RASA3: variants seen among roughly 807,000 people sequenced by gnomAD.
RASA3 encodes RAS p21 protein activator 3.
RASA3 carries 73 observed loss-of-function variants against 110.0 expected under a neutral mutation model. The ratio of observed to expected loss-of-function variants is 0.66; its 90% confidence interval spans 0.55 to 0.81. RASA3 has a LOEUF of 0.81. Among genes scored for constraint, RASA3 ranks in the 30% least tolerant of loss-of-function variants. The pLI is 0.00. For missense variants in RASA3, 976 were observed against 1,113.2 expected (o/e 0.88, Z 1.75); for synonymous variants, 500 against 451.4 (o/e 1.11, Z -1.37).
chr13:114,094,171 T>C (rs1265294314), intron 1 of RASA3, among the ~76,000 whole-genome samples: 2 of 152,196 alleles, frequency 1.3e-5, no homozygotes, highest in Non-Finnish European at 2.9e-5. Context: ...TGACTGTGCA[T>C]AGGTACAGAA....
intron 1 of RASA3, among the ~76,000 whole-genome samples, chr13:114,089,778 C>T (rs771146642): frequency 6.6e-6 from 1 of 152,146 alleles, no homozygotes; most frequent in African/African-American, 2.4e-5. Flanking sequence ...ACGATTGACG[C>T]GAGCATTTCC....
chr13:114,014,887 C>A lies in RASA3; in HGVS notation c.1405+322G>T, dbSNP rs2053753855. Reference sequence around the variant, plus strand: ...AAAGCCTGGCCACCCTTCCCGGCCCCCCCAGAGACCACTGTGGTCGTGAAC... The same window carrying A: ...AAAGCCTGGCCACCCTTCCCGGCCCACCCAGAGACCACTGTGGTCGTGAAC... On this transcript the variant is annotated intron_variant, in intron 14 of 23. Transcript: ENST00000334062. This position sits in a 1 kb window ranked among gnomAD's most constrained non-coding sequence, Gnocchi z 4.5. Among the ~76,000 whole-genome samples, 1 of 152,096 alleles carries A rather than the reference C, an allele frequency of 6.6e-6. No homozygotes were observed. Among genetic ancestry groups the A allele is most frequent in the Non-Finnish European group, 1.5e-5 (1 of 68,008 alleles).
Position 114,114,260 on chromosome 13 carries a change from T to G in RASA3, c.55+18175A>C, listed in dbSNP as rs1266676878. 6.6e-6 allele frequency among the ~76,000 whole-genome samples: 1 copy of G among 152,184 alleles called. No homozygotes were observed. Among genetic ancestry groups the G allele is most frequent in the Non-Finnish European group, 1.5e-5 (1 of 68,024 alleles). On this transcript the variant is annotated intron_variant, in intron 1 of 23. Transcript: ENST00000334062. This position sits in a 1 kb window ranked among gnomAD's most constrained non-coding sequence, Gnocchi z 4.8. ...TGACGTTAGAAAGGCAACCGCAAAT[T>G]CAGCTGCGGAGTGCAAAACGAATTT...
At chr13:114,000,338 C>T (rs545791983) in intron 19 of RASA3, among the ~76,000 whole-genome samples, 4 of 152,208 alleles carry the variant, frequency 2.6e-5, no homozygotes, top group South Asian at 2.1e-4. Flanking sequence ...GCCCAATGCT[C>T]GCATCCTCAC....
At chr13:114,119,076 C>A (rs1340823558) in intron 1 of RASA3, among the ~76,000 whole-genome samples, 1 of 151,692 alleles carries the variant, frequency 6.6e-6, no homozygotes, top group Non-Finnish European at 1.5e-5. Context: ...CCTGACCCAC[C>A]CACCCCAGCT....
At chr13:114,117,652 G>GTGCACGTGTGTGAGGGA (rs1162762079) in intron 1 of RASA3, among the ~76,000 whole-genome samples, 2 of 129,824 alleles carry the variant, frequency 1.5e-5, no homozygotes, top group African/African-American at 5.9e-5. Context: ...TGTGTGAGGG[G>GTGCACGTGTGTGAGGGA]TGCACGTGTG....
At chr13:114,098,013 A>G (rs1380959800) in intron 1 of RASA3, among the ~76,000 whole-genome samples, 3 of 152,158 alleles carry the variant, frequency 2.0e-5, no homozygotes, top group Non-Finnish European at 4.4e-5. Flanking sequence ...CCTCAGACAA[A>G]GGCAGCTCTC....
At chr13:113,988,889 ACCCATCTGTCCATCCACCCATCACTCG>A (rs1169670555) in intron 22 of RASA3, among the ~76,000 whole-genome samples, 4 of 141,868 alleles carry the variant, frequency 2.8e-5, no homozygotes, top group South Asian at 2.3e-4. Context: ...CCCATCACTC[ACCCATCTGTCCATCCACCCATCACTCG>A]CCCATCTGTC....
chr13:114,060,275 A>C (rs1367754180), intron 2 of RASA3, among the ~76,000 whole-genome samples: 1 of 152,210 alleles, frequency 6.6e-6, no homozygotes, highest in Non-Finnish European at 1.5e-5. Context: ...GGTGCAGAGC[A>C]GACATTTCAC....
rs992073565 is a variant in RASA3, at chr13:114,012,061, T to C, written c.1513-813A>G. On this transcript the variant is annotated intron_variant, in intron 15 of 23. Coordinates refer to ENST00000334062, the MANE Select transcript of RASA3 (RefSeq NM_007368.4). ...GAGAGCTGCGGCCCCAGCAACCACATTGGGGCCTGGAGAAAATCAGTGCTA... is the reference window on the plus strand; with the variant it reads ...GAGAGCTGCGGCCCCAGCAACCACACTGGGGCCTGGAGAAAATCAGTGCTA... Among the ~76,000 whole-genome samples the C allele has an allele frequency of 7.2e-5, 11 of 152,048 alleles. No homozygotes were observed. The East Asian group carries it at 1.7e-3, about 24-fold the overall frequency.
At chr13:114,108,421 GTCCATCATCCCCCA>G (rs1246555485) in intron 1 of RASA3, among the ~76,000 whole-genome samples, 2 of 25,822 alleles carry the variant, frequency 7.7e-5, no homozygotes, top group African/African-American at 3.3e-4. Flanking sequence ...ATCACCCCGC[GTCCATCATCCCCCA>G]TCCATCACCC....
intron 2 of RASA3, among the ~76,000 whole-genome samples, chr13:114,059,263 GCA>G (rs10538371): frequency 0.22 from 34,062 of 152,136 alleles, 3,876 homozygotes; most frequent in South Asian, 0.33. Context: ...CATCTTCACA[GCA>G]CAGTCCCCAG....
At chr13:114,101,021 G>A (rs2080053534) in intron 1 of RASA3, among the ~76,000 whole-genome samples, 1 of 152,228 alleles carries the variant, frequency 6.6e-6, no homozygotes, top group Non-Finnish European at 1.5e-5. Context: ...GTCAGCCTGT[G>A]TCAGGCTGGA....
chr13:114,082,544 G>A (rs2079800897), intron 1 of RASA3, among the ~76,000 whole-genome samples: 1 of 152,210 alleles, frequency 6.6e-6, no homozygotes, highest in Non-Finnish European at 1.5e-5. Flanking sequence ...AATGGAGAGT[G>A]AGGAACAAAG....
In RASA3 at chr13:114,039,277, ACACT is replaced by A. The variant is rs1358146585; in HGVS notation, c.372+1719_372+1722del. ...CGCTGTGCAGCAACACTACACTCAGACACTCACTGCGGTCCCAGCTGAGGACCCA... is the reference window on the plus strand; with the variant it reads ...CGCTGTGCAGCAACACTACACTCAGACACTGCGGTCCCAGCTGAGGACCCA... On this transcript the variant is annotated intron_variant, in intron 4 of 23. Coordinates refer to ENST00000334062, the MANE Select transcript of RASA3 (RefSeq NM_007368.4). 2.6e-5 allele frequency among the ~76,000 whole-genome samples: 4 copies of A among 151,678 alleles called. No homozygotes were observed. In the East Asian group the frequency reaches 5.8e-4, roughly 22 times the overall value.
chr13:114,015,092 T>C (rs2053758058), intron 14 of RASA3, 117 bp downstream of exon 14: 3 of 1,385,904 alleles, frequency 2.2e-6, no homozygotes, highest in Non-Finnish European at 3.0e-6. Context: ...GAACTGGGGT[T>C]CACGACCCCG....
At chr13:113,995,357 CCT>C (rs1387731552) in intron 21 of RASA3, among the ~76,000 whole-genome samples, 1 of 152,262 alleles carries the variant, frequency 6.6e-6, no homozygotes, top group Non-Finnish European at 1.5e-5. Flanking sequence ...TGAGCTTCAG[CCT>C]CTGTGTCCAC....
intron 3 of RASA3, among the ~76,000 whole-genome samples, chr13:114,051,106 T>G (rs1440241090): frequency 6.6e-6 from 1 of 151,872 alleles, no homozygotes; most frequent in Non-Finnish European, 1.5e-5. Flanking sequence ...CTCGCTGGCC[T>G]CCTGCACCCC....
intron 1 of RASA3, among the ~76,000 whole-genome samples, chr13:114,102,917 C>T (rs1024902759): frequency 2.8e-4 from 42 of 152,032 alleles, no homozygotes; most frequent in Admixed American, 1.9e-3. Flanking sequence ...CAAGGCAACA[C>T]GGGGCCTGAG....
Sources: gnomAD v4.1 joint callset for allele counts (sites outside exome capture counted in the v4.1 genomes callset) on GRCh38, gnomAD v4.1.1 for gene constraint, Gnocchi (gnomAD v3.1) non-coding constraint, MANE v1.5 for transcripts, NCBI Gene and HGNC (gene_info 2026-07-23, HGNC 2026-07-21) for gene names.